Variants in GPC5 observed in about 807,000 individuals in gnomAD.
GPC5 encodes glypican-5.
GPC5 carries 47 observed loss-of-function variants against 53.9 expected under a neutral mutation model. The observed-to-expected ratio is 0.87, with a 90% CI of 0.69 to 1.11. The LOEUF (loss-of-function observed/expected upper bound fraction) is 1.11, where lower values mean the gene tolerates loss of function less well. Among genes scored for constraint, GPC5 ranks in the 50% most tolerant of loss-of-function variants. GPC5 has a pLI of 0.00. For missense variants in GPC5, 748 were observed against 713.1 expected (o/e 1.05, Z -0.56); for synonymous variants, 286 against 263.3 (o/e 1.09, Z -0.84).
intron 2 of GPC5, among the ~76,000 whole-genome samples, chr13:91,575,557 C>G (rs11843825): frequency 6.6e-6 from 1 of 151,946 alleles, no homozygotes; most frequent in South Asian, 2.1e-4. Flanking sequence ...AGGGAGAACA[C>G]GCTATTTTAT....
At chr13:92,109,138 C>T (rs1418889924) in intron 6 of GPC5, among the ~76,000 whole-genome samples, 1 of 142,540 alleles carries the variant, frequency 7.0e-6, no homozygotes, top group Non-Finnish European at 1.5e-5. Flanking sequence ...ACAATCTCGG[C>T]TCACTGCAGT....
At chr13:92,238,697 C>T (rs968136622) in intron 7 of GPC5, among the ~76,000 whole-genome samples, 1 of 151,862 alleles carries the variant, frequency 6.6e-6, no homozygotes, top group Non-Finnish European at 1.5e-5. Flanking sequence ...CAAATATTTT[C>T]TCCCTTTGTC....
At chr13:92,118,789 G>GA (rs1173183929) in intron 6 of GPC5, among the ~76,000 whole-genome samples, 3 of 152,170 alleles carry the variant, frequency 2.0e-5, no homozygotes, top group Non-Finnish European at 4.4e-5. Context: ...ATCAGTAGGA[G>GA]AAATAGGCCT....
intron 5 of GPC5, among the ~76,000 whole-genome samples, chr13:91,797,027 C>A (rs569176737): frequency 6.6e-6 from 1 of 152,114 alleles, no homozygotes; most frequent in East Asian, 1.9e-4. Context: ...TACTATTTAA[C>A]AATGATCATA....
At chr13:92,013,017 A>G (rs1387948177) in intron 6 of GPC5, among the ~76,000 whole-genome samples, 1 of 152,224 alleles carries the variant, frequency 6.6e-6, no homozygotes, top group Non-Finnish European at 1.5e-5. Context: ...CCGAAGCCCC[A>G]GAGGGCATGT....
intron 1 of GPC5, among the ~76,000 whole-genome samples, chr13:91,442,722 C>T (rs978452505): frequency 1.2e-4 from 18 of 152,186 alleles, no homozygotes; most frequent in Admixed American, 8.5e-4. Context: ...ATTCCTTCGG[C>T]AAGACGTTAG....
intron 7 of GPC5, among the ~76,000 whole-genome samples, chr13:92,651,291 C>T (rs1457085164): frequency 2.0e-5 from 3 of 151,674 alleles, no homozygotes; most frequent in Non-Finnish European, 2.9e-5. Flanking sequence ...ACAAACACTA[C>T]CCCAGCCAAG....
intron 5 of GPC5, among the ~76,000 whole-genome samples, chr13:91,764,941 A>G (rs1301332928): frequency 6.6e-6 from 1 of 152,172 alleles, no homozygotes; most frequent in Non-Finnish European, 1.5e-5. Context: ...GCTTAAGACA[A>G]TGTCTCTCCC....
At chr13:91,834,080 A>G (rs528078564) in intron 5 of GPC5, among the ~76,000 whole-genome samples, 1 of 152,308 alleles carries the variant, frequency 6.6e-6, no homozygotes, top group Admixed American at 6.5e-5. Context: ...AAAATTCAGA[A>G]GCATTCCTAT....
At chr13:92,696,102 G>A (rs1032222873) in intron 7 of GPC5, among the ~76,000 whole-genome samples, 2 of 152,100 alleles carry the variant, frequency 1.3e-5, no homozygotes, top group Non-Finnish European at 2.9e-5. Flanking sequence ...TATCGTTGAT[G>A]GGCATTTGGG....
At chr13:91,712,675 G>A (rs113739598) in intron 3 of GPC5, among the ~76,000 whole-genome samples, 108 of 152,100 alleles carry the variant, frequency 7.1e-4, no homozygotes, top group African/African-American at 2.4e-3. Context: ...GCCTGGTGTC[G>A]TCTGACTTTG....
intron 7 of GPC5, among the ~76,000 whole-genome samples, chr13:92,176,437 C>A (rs554472101): frequency 6.6e-6 from 1 of 152,272 alleles, no homozygotes; most frequent in South Asian, 2.1e-4. Flanking sequence ...ATGCTCCTAA[C>A]CACTGGGTAC....
At chr13:91,687,752 A>T (rs1016223452) in intron 2 of GPC5, among the ~76,000 whole-genome samples, 21 of 152,056 alleles carry the variant, frequency 1.4e-4, no homozygotes, top group Non-Finnish European at 2.5e-4. Context: ...AAAAAATTTT[A>T]TTCCTAATCT....
intron 6 of GPC5, among the ~76,000 whole-genome samples, chr13:92,000,780 G>A (rs2040546880): frequency 6.6e-6 from 1 of 152,122 alleles, no homozygotes; most frequent in Non-Finnish European, 1.5e-5. Context: ...GCATGCCTCT[G>A]AAACTGAGAG....
chr13:91,609,039 A>G (rs1393682614), intron 2 of GPC5, among the ~76,000 whole-genome samples: 5 of 25,712 alleles, frequency 1.9e-4, no homozygotes, highest in Non-Finnish European at 3.1e-4. Context: ...TTGACCAGCA[A>G]TCTCTAATGA....
chr13:92,332,745 C>T (rs1293141123), intron 7 of GPC5, among the ~76,000 whole-genome samples: 9 of 152,132 alleles, frequency 5.9e-5, no homozygotes, highest in African/African-American at 2.2e-4. Context: ...TAGCTATTCC[C>T]AATCACCCTG....
chr13:92,539,426 A>G (rs181024719), intron 7 of GPC5, among the ~76,000 whole-genome samples: 1 of 152,158 alleles, frequency 6.6e-6, no homozygotes, highest in East Asian at 1.9e-4. Flanking sequence ...ACCAGTGATG[A>G]TGAGCATTTT....
Position 91,603,705 on chromosome 13 carries a change from T to C in GPC5, c.326-89482T>C, listed in dbSNP as rs144179184. On this transcript the variant is annotated intron_variant, in intron 2 of 7. Coordinates refer to ENST00000377067, the MANE Select transcript of GPC5 (RefSeq NM_004466.6). ...CTTTTTAGAGAGTCATTTACTCTTT[T>C]TTTTCAGTTGTATAATCAGTTTTTC... Among the ~76,000 whole-genome samples, 310 of 152,348 alleles carry C rather than the reference T, an allele frequency of 2.0e-3. 1 individual carries two copies. Among genetic ancestry groups the C allele is most frequent in the African/African-American group, 6.8e-3 (284 of 41,598 alleles).
chr13:91,865,113 A>ACT (rs2039070125), intron 5 of GPC5, among the ~76,000 whole-genome samples: 1 of 151,792 alleles, frequency 6.6e-6, no homozygotes, highest in Non-Finnish European at 1.5e-5. Flanking sequence ...GTTTCACGAT[A>ACT]TTGGCCAGGC....
Sources: allele counts gnomAD v4.1 joint callset (sites outside exome capture counted in the v4.1 genomes callset), GRCh38; gene constraint gnomAD v4.1.1; transcripts MANE v1.5; gene names NCBI Gene and HGNC (gene_info 2026-07-23, HGNC 2026-07-21).